The following CRYZL1 variants were observed in gnomAD, a reference collection of about 807,000 sequenced individuals.
CRYZL1 encodes the protein ferry endosomal RAB5 effector complex subunit 4.
Under a neutral mutation model 50.6 loss-of-function variants are expected in CRYZL1, and 34 were observed. The observed-to-expected ratio is 0.67, with a 90% confidence interval of 0.51 to 0.89. CRYZL1 has a LOEUF of 0.89. CRYZL1 is among the 40% of genes least tolerant of loss of function. CRYZL1 has a pLI of 0.00. For synonymous variants in CRYZL1, 125 were observed against 134.3 expected (o/e 0.93, Z 0.48); for missense variants, 354 against 402.3 (o/e 0.88, Z 1.03).
rs765398897 is a variant in CRYZL1, at chr21:33,602,296, A to C, written c.515T>G (p.Val172Gly). 1 of 1,613,250 alleles carries C rather than the reference A, an allele frequency of 6.2e-7. No individual in the cohort carries two copies. Among genetic ancestry groups the C allele is most frequent in the South Asian group, 1.1e-5 (1 of 91,070 alleles). The change falls in exon 8 of 13, where the codon GTG (valine) becomes GGG (glycine). Residue 172 changes from valine (V) to glycine (G), a missense_variant. Val to Gly is a moderately radical substitution (Grantham distance 109, BLOSUM62 -3). Transcript: ENST00000381554. ...IQLAHHRGAK[V>G]ISTACSLEDK... is the part of the protein sequence containing the mutation. ...TTCAAGGCTGCATGCTGTTGAAATC[A>C]CTTTGGCTCCTCTATGATGTGCTAA... is the stretch of plus-strand genomic sequence containing the variant.
chr21:33,615,765 T>C (rs769260343), intron 5 of CRYZL1, among the ~76,000 whole-genome samples: 1 of 152,208 alleles, frequency 6.6e-6, no homozygotes, highest in Non-Finnish European at 1.5e-5. Context: ...GGAGCTTCTA[T>C]ATGGCCCAGT....
In CRYZL1 at chr21:33,628,603, CTT is replaced by C. The variant is rs35970580; in HGVS notation, c.66+2881_66+2882del. Among the ~76,000 whole-genome samples, 840 of 120,358 alleles carry C rather than the reference CTT, an allele frequency of 7.0e-3. 4 individuals carry two copies. Among genetic ancestry groups the C allele is most frequent in the African/African-American group, 0.016 (476 of 30,418 alleles). The allele number at this position is 120,358 out of a possible 152,430, so 79.0% of individuals were successfully genotyped here. A position where few individuals can be genotyped will look rare whatever the true frequency, so the allele number is the denominator to read the frequency against. On this transcript the variant is annotated intron_variant, in intron 2 of 12. Coordinates refer to ENST00000381554, the MANE Select transcript of CRYZL1 (RefSeq NM_145858.3). ...ATGGGGTTGCCTTCTTAATTTCTTT[CTT>C]TTTTTTTTTTTTTTTGAGACAAGTC...
intron 6 of CRYZL1, among the ~76,000 whole-genome samples, chr21:33,611,875 A>G (rs2086876355): frequency 6.6e-6 from 1 of 152,200 alleles, no homozygotes; most frequent in Middle Eastern, 3.2e-3. Flanking sequence ...TTTGAACTGT[A>G]TATAAATAAA....
At chr21:33,596,115 A>G in intron 10 of CRYZL1, 1 of 584,576 alleles carries the variant, frequency 1.7e-6, no homozygotes, top group Non-Finnish European at 3.3e-6. Flanking sequence ...CATCTTCATG[A>G]GGGTGTTGGA....
chr21:33,635,221 C>T (rs143601978), intron 1 of CRYZL1, among the ~76,000 whole-genome samples: 85 of 151,934 alleles, frequency 5.6e-4, no homozygotes, highest in African/African-American at 1.8e-3. Context: ...CAGTCTATTA[C>T]GTAACAAAAT....
At chr21:33,595,545 A>G in intron 11 of CRYZL1, 186 bp downstream of exon 11, 1 of 1,264,020 alleles carries the variant, frequency 7.9e-7, no homozygotes, top group Non-Finnish European at 1.1e-6. Flanking sequence ...AATGGGGATG[A>G]TAACAGTACT....
At chr21:33,617,557 C>T (rs897646209) in intron 4 of CRYZL1, among the ~76,000 whole-genome samples, 6 of 152,160 alleles carry the variant, frequency 3.9e-5, no homozygotes, top group East Asian at 3.9e-4. Flanking sequence ...GCAAGACTCA[C>T]GTCTCCAAAA....
chr21:33,610,727 G>T lies in CRYZL1; in HGVS notation c.331+2811C>A, dbSNP rs989735954. On this transcript the variant is annotated intron_variant, in intron 6 of 12. Transcript: ENST00000381554. Reference sequence around the variant, plus strand: ...CTAAAGGAATGGGCCTTGTTTGGTTGTTTTTTTTTTTTTTTTTTTTTTTTG... The same window carrying T: ...CTAAAGGAATGGGCCTTGTTTGGTTTTTTTTTTTTTTTTTTTTTTTTTTTG... Among the ~76,000 whole-genome samples, 113 of 101,424 alleles carry T rather than the reference G, an allele frequency of 1.1e-3. 1 individual carries two copies. In the East Asian group the frequency reaches 0.018, roughly 16 times the overall value. The allele number at this position is 101,424 out of a possible 152,430, so 66.5% of individuals were successfully genotyped here.
At chr21:33,638,906 G>C (rs2087243080) in intron 1 of CRYZL1, among the ~76,000 whole-genome samples, 1 of 152,202 alleles carries the variant, frequency 6.6e-6, no homozygotes, top group African/African-American at 2.4e-5. Context: ...AGAGTCAACT[G>C]AGTGGGACAG....
chr21:33,607,566 A>G (rs2086826621), intron 6 of CRYZL1, among the ~76,000 whole-genome samples: 1 of 152,180 alleles, frequency 6.6e-6, no homozygotes, highest in Non-Finnish European at 1.5e-5. Flanking sequence ...CAGGAGTTTG[A>G]GGCTGCAGTG....
chr21:33,622,568 G>A (rs191628207), intron 3 of CRYZL1, among the ~76,000 whole-genome samples: 10 of 152,156 alleles, frequency 6.6e-5, no homozygotes, highest in Admixed American at 5.2e-4. Context: ...GATATTAACA[G>A]GTAATCTGCC....
chr21:33,602,373 G>A (rs748832927), intron 7 of CRYZL1, 28 bp from the exon 8 acceptor site: 7 of 1,086,358 alleles, frequency 6.4e-6, no homozygotes, highest in Middle Eastern at 2.0e-4. Flanking sequence ...TACAGTGGGT[G>A]TATGGTTATA....
rs753282842 is a variant in CRYZL1, at chr21:33,613,599, C to G, written c.270G>C (p.Leu90Phe). The change falls in exon 6 of 13, where the codon TTG becomes TTC. Residue 90 changes from leucine to phenylalanine, a missense_variant. Coordinates refer to ENST00000381554, the MANE Select transcript of CRYZL1 (RefSeq NM_145858.3). ...GTCCAGGGTCTTCAGAGTCCAGGGG[C>G]AAAATTCCTAAAAATCAAAACAAGA... ...FQPDDEVVGI[L>F]PLDSEDPGLC... The G allele has an allele frequency of 6.2e-7, 1 of 1,611,212 alleles. No individual in the cohort carries two copies. The highest frequency in any genetic ancestry group is 8.5e-7 in the Non-Finnish European group (1 of 1,177,632).
chr21:33,597,443 T>G, intron 9 of CRYZL1, 42 bp from the exon 10 acceptor site: 2 of 1,385,660 alleles, frequency 1.4e-6, no homozygotes, highest in Non-Finnish European at 2.0e-6. Context: ...AGAGAAGAAA[T>G]ATATTTTATA....
chr21:33,629,852 G>A (rs1471136873), intron 2 of CRYZL1, among the ~76,000 whole-genome samples: 1 of 152,164 alleles, frequency 6.6e-6, no homozygotes, highest in Non-Finnish European at 1.5e-5. Context: ...TGTTCAGTAT[G>A]ATGTTAGCTG....
At chr21:33,594,109 T>G (rs933401484) in intron 11 of CRYZL1, among the ~76,000 whole-genome samples, 5 of 151,986 alleles carry the variant, frequency 3.3e-5, no homozygotes, top group Non-Finnish European at 7.4e-5. Flanking sequence ...TGTAGCATCA[T>G]TCCATGTTAT....
At chr21:33,619,891 A>G (rs976715413) in intron 4 of CRYZL1, among the ~76,000 whole-genome samples, 1 of 152,164 alleles carries the variant, frequency 6.6e-6, no homozygotes, top group Non-Finnish European at 1.5e-5. Context: ...TGATTTGGAC[A>G]TCTTACTCCA....
chr21:33,593,886 G>A (rs1358513953), intron 11 of CRYZL1, among the ~76,000 whole-genome samples: 1 of 145,534 alleles, frequency 6.9e-6, no homozygotes, highest in East Asian at 2.3e-4. Context: ...TCAGGAGGCT[G>A]AGACAGGAGA....
intron 2 of CRYZL1, 96 bp downstream of exon 2, chr21:33,631,390 T>C: frequency 1.2e-6 from 1 of 821,616 alleles, no homozygotes; most frequent in Non-Finnish European, 1.8e-6. Context: ...AGTAATTTTG[T>C]TCATTAAGTC....
Sources: gnomAD v4.1 joint callset for allele counts (sites outside exome capture counted in the v4.1 genomes callset) on GRCh38, gnomAD v4.1.1 for gene constraint, MANE v1.5 for transcripts, NCBI Gene and HGNC (gene_info 2026-07-23, HGNC 2026-07-21) for gene names.